Variants in ERP27 observed in about 807,000 individuals in gnomAD.
The protein encoded by ERP27 is endoplasmic reticulum resident protein 27.
Under a neutral mutation model 27.7 loss-of-function variants are expected in ERP27, and 23 were observed. The observed-to-expected ratio is 0.83, with a 90% CI of 0.60 to 1.18. ERP27 has a LOEUF of 1.18. ERP27 is among the 50% of genes most tolerant of loss of function. ERP27 has a pLI of 0.00. For synonymous variants in ERP27, 159 were observed against 118.3 expected (o/e 1.34, Z -2.23); for missense variants, 363 against 327.9 (o/e 1.11, Z -0.83).
chr12:14,923,785 T>C (rs1438051948), intron 3 of ERP27, among the ~76,000 whole-genome samples: 3 of 152,218 alleles, frequency 2.0e-5, no homozygotes, highest in Non-Finnish European at 4.4e-5. Flanking sequence ...AATACATGTA[T>C]ACATTGTGTA....
At chr12:14,937,929 G>A in intron 2 of ERP27, 23 bp downstream of exon 2, 1 of 1,601,560 alleles carries the variant, frequency 6.2e-7, no homozygotes, top group Non-Finnish European at 8.6e-7. Context: ...GGCTCTTGGG[G>A]GAATTGCAAG....
intron 2 of ERP27, among the ~76,000 whole-genome samples, chr12:14,937,163 G>A (rs1429789579): frequency 1.3e-5 from 2 of 152,158 alleles, no homozygotes; most frequent in African/African-American, 4.8e-5. Flanking sequence ...TGTTGTCCCT[G>A]TCTTTCTCCC....
chr12:14,927,258 G>A (rs530123596), intron 3 of ERP27, among the ~76,000 whole-genome samples: 1 of 151,928 alleles, frequency 6.6e-6, no homozygotes, highest in African/African-American at 2.4e-5. Context: ...AGTGGATTAT[G>A]CATATTCCAC....
intron 3 of ERP27, among the ~76,000 whole-genome samples, chr12:14,933,531 CA>C (rs1863729377): frequency 2.0e-5 from 3 of 151,960 alleles, no homozygotes; most frequent in Middle Eastern, 6.8e-3. Context: ...TAGAGAAAGA[CA>C]GTACAAAATA....
chr12:14,926,069 C>CA (rs35554311), intron 3 of ERP27, among the ~76,000 whole-genome samples: 20,792 of 139,156 alleles, frequency 0.15, 1,852 homozygotes, highest in Admixed American at 0.23. Context: ...ACTCTGTCTC[C>CA]AAAAAAAAAA....
Position 14,937,939 on chromosome 12 carries a change from G to T in ERP27, c.195+13C>A. The T allele has an allele frequency of 6.2e-7, 1 of 1,610,824 alleles. No individual in the cohort carries two copies. Among genetic ancestry groups the T allele is most frequent in the Non-Finnish European group, 8.5e-7 (1 of 1,177,282 alleles). On this transcript the variant is annotated intron_variant, in intron 2 of 6. Coordinates refer to ENST00000266397, the MANE Select transcript of ERP27 (RefSeq NM_152321.4). ...TTTCTGGCTCTTGGGGGAATTGCAA[G>T]TAGGGAACTAACCTGGAAGAAGCCT...
At chr12:14,926,435 G>A (rs894239559) in intron 3 of ERP27, among the ~76,000 whole-genome samples, 2 of 152,114 alleles carry the variant, frequency 1.3e-5, no homozygotes, top group African/African-American at 4.8e-5. Flanking sequence ...TTATTTCCAC[G>A]AAATGAAATT....
chr12:14,917,644 C>A (rs1419865905), intron 4 of ERP27, among the ~76,000 whole-genome samples: 5 of 152,186 alleles, frequency 3.3e-5, no homozygotes, highest in Non-Finnish European at 5.9e-5. Context: ...CAGTGTAGGG[C>A]ACTCAAGCAG....
At chr12:14,927,147 T>C (rs954264183) in intron 3 of ERP27, among the ~76,000 whole-genome samples, 4 of 152,202 alleles carry the variant, frequency 2.6e-5, no homozygotes, top group African/African-American at 9.7e-5. Context: ...AACCTTATGG[T>C]TGTCCCTTTG....
rs78879179 is a variant in ERP27, at chr12:14,934,994, C to G, written c.196-1G>C. On this transcript the variant is annotated splice_acceptor_variant, in intron 2 of 6. Coordinates refer to ENST00000266397, the MANE Select transcript of ERP27 (RefSeq NM_152321.4). LOFTEE classifies it high-confidence loss of function. Reference sequence around the variant, plus strand: ...TGGGCACTGCTGGTATTTCTAAATCCTAAAAACAAGAGAAAAAATAATACC... The same window carrying G: ...TGGGCACTGCTGGTATTTCTAAATCGTAAAAACAAGAGAAAAAATAATACC... 4 of 1,613,228 alleles carry G rather than the reference C, an allele frequency of 2.5e-6. No individual in the cohort carries two copies. The African/African-American group carries it at 5.3e-5, about 22-fold the overall frequency.
chr12:14,933,867 CT>C (rs1337970380), intron 3 of ERP27, among the ~76,000 whole-genome samples: 33 of 152,148 alleles, frequency 2.2e-4, no homozygotes, highest in Non-Finnish European at 7.4e-5. Context: ...ACTCTTAATA[CT>C]TCTCACATGG....
intron 4 of ERP27, among the ~76,000 whole-genome samples, chr12:14,919,279 A>G (rs575466248): frequency 1.1e-4 from 16 of 152,338 alleles, no homozygotes; most frequent in African/African-American, 3.8e-4. Context: ...TTCTCTTGAT[A>G]TAATCTGCCT....
intron 3 of ERP27, chr12:14,928,825 C>A (rs1451894557): frequency 4.5e-5 from 44 of 987,318 alleles, no homozygotes; most frequent in South Asian, 1.0e-4. Flanking sequence ...CCTTGCCCAC[C>A]CTCCTACCAC....
At chr12:14,927,311 T>TTG (rs1387598901) in intron 3 of ERP27, among the ~76,000 whole-genome samples, 2 of 151,672 alleles carry the variant, frequency 1.3e-5, no homozygotes, top group African/African-American at 4.8e-5. Flanking sequence ...GTGTGTATAT[T>TTG]TGTGTGTGTG....
chr12:14,916,806 A>G (rs1256021898), intron 5 of ERP27, among the ~76,000 whole-genome samples: 5 of 152,102 alleles, frequency 3.3e-5, no homozygotes, highest in Non-Finnish European at 5.9e-5. Context: ...CAGGTACTTG[A>G]TAGGTGTTTT....
intron 3 of ERP27, among the ~76,000 whole-genome samples, chr12:14,931,817 C>G (rs149952695): frequency 6.6e-6 from 1 of 151,622 alleles, no homozygotes; most frequent in Admixed American, 6.6e-5. Context: ...CTTATAAGAC[C>G]GACAAACGAA....
At chr12:14,934,229 G>A (rs186357237) in intron 3 of ERP27, among the ~76,000 whole-genome samples, 2 of 151,892 alleles carry the variant, frequency 1.3e-5, no homozygotes, top group Non-Finnish European at 2.9e-5. Flanking sequence ...TATCCTTCAA[G>A]TTTCAATTCT....
intron 3 of ERP27, among the ~76,000 whole-genome samples, chr12:14,934,624 C>G (rs1044341595): frequency 6.6e-6 from 1 of 152,180 alleles, no homozygotes; most frequent in Non-Finnish European, 1.5e-5. Flanking sequence ...TGTTGAGCGA[C>G]AAAGCAGTAC....
At chr12:14,937,048 G>A (rs1015577112) in intron 2 of ERP27, among the ~76,000 whole-genome samples, 19 of 152,206 alleles carry the variant, frequency 1.2e-4, no homozygotes, top group East Asian at 1.9e-4. Context: ...GGCATCTGGC[G>A]GCTGTTTAAG....
Sources: gnomAD v4.1 joint callset for allele counts (sites outside exome capture counted in the v4.1 genomes callset) on GRCh38, gnomAD v4.1.1 for gene constraint, MANE v1.5 for transcripts, NCBI Gene and HGNC (gene_info 2026-07-23, HGNC 2026-07-21) for gene names.